Variants in FRAS1 observed in about 807,000 individuals in gnomAD.
FRAS1 encodes the protein Fraser extracellular matrix complex subunit 1.
FRAS1 carries 290 observed loss-of-function variants against 435.2 expected under a neutral mutation model. That is an observed-to-expected ratio of 0.67 (90% confidence interval 0.61 to 0.73). The LOEUF is 0.73. Among genes scored for constraint, FRAS1 ranks in the 30% least tolerant of loss-of-function variants. The pLI is 0.00. For synonymous variants in FRAS1, 1,800 were observed against 1,851.0 expected, an observed-to-expected ratio of 0.97 and a Z score of 0.71; for missense variants, 4,860 against 5,001.5, an observed-to-expected ratio of 0.97 and a Z score of 0.85.
chr4:78,112,466 A>G (rs1322166685), intron 2 of FRAS1, among the ~76,000 whole-genome samples: 1 of 151,950 alleles, frequency 6.6e-6, no homozygotes, highest in Non-Finnish European at 1.5e-5. Flanking sequence ...TTTTTCTGAT[A>G]ACTTTTTTTG....
At chr4:78,525,146 G>A (rs1176854862) in intron 69 of FRAS1, among the ~76,000 whole-genome samples, 1 of 152,186 alleles carries the variant, frequency 6.6e-6, no homozygotes, top group Non-Finnish European at 1.5e-5. Context: ...AAACCAGTGT[G>A]CAGCCTCTGG....
At chr4:78,182,845 A>AAGATCC (rs1722081118) in intron 2 of FRAS1, among the ~76,000 whole-genome samples, 1 of 147,158 alleles carries the variant, frequency 6.8e-6, no homozygotes, top group Non-Finnish European at 1.5e-5. Flanking sequence ...GTGCCACTGC[A>AAGATCC]CTCCAGCCTG....
chr4:78,111,725 A>G (rs1742713758), intron 2 of FRAS1, among the ~76,000 whole-genome samples: 1 of 130,154 alleles, frequency 7.7e-6, no homozygotes, highest in Non-Finnish European at 1.6e-5. Flanking sequence ...CACAATGTGC[A>G]CATGTACCCT....
intron 2 of FRAS1, among the ~76,000 whole-genome samples, chr4:78,175,738 A>G (rs893102046): frequency 2.0e-5 from 3 of 152,156 alleles, no homozygotes; most frequent in Non-Finnish European, 4.4e-5. Flanking sequence ...TGGCCAGATC[A>G]TGATGCACAG....
chr4:78,413,961 A>G (rs779759031), intron 32 of FRAS1, among the ~76,000 whole-genome samples: 1 of 152,172 alleles, frequency 6.6e-6, no homozygotes, highest in Non-Finnish European at 1.5e-5. Flanking sequence ...GACCTTGTAA[A>G]TTAATCATCA....
chr4:78,397,531 G>A (rs1271092475), intron 29 of FRAS1, among the ~76,000 whole-genome samples: 1 of 152,074 alleles, frequency 6.6e-6, no homozygotes, highest in Non-Finnish European at 1.5e-5. Context: ...TATGGGAGGG[G>A]GTGCATGGAG....
intron 37 of FRAS1, 28 bp from the exon 38 acceptor site, chr4:78,432,329 C>A: frequency 1.3e-6 from 2 of 1,563,588 alleles, no homozygotes; most frequent in South Asian, 2.4e-5. Context: ...AGAAGCAACT[C>A]GTTTGCAATT....
intron 2 of FRAS1, among the ~76,000 whole-genome samples, chr4:78,150,962 C>T (rs1193112458): frequency 2.0e-5 from 3 of 152,158 alleles, no homozygotes; most frequent in African/African-American, 4.8e-5. Context: ...ATGCCAGAGG[C>T]CAAGGCCAAC....
At chr4:78,389,327 A>C (rs1732353617) in intron 29 of FRAS1, among the ~76,000 whole-genome samples, 1 of 152,234 alleles carries the variant, frequency 6.6e-6, no homozygotes, top group African/African-American at 2.4e-5. Flanking sequence ...TGGTTTGTTG[A>C]GGACAGTTTA....
chr4:78,287,551 G>A (rs1053117261), intron 14 of FRAS1, among the ~76,000 whole-genome samples: 9 of 152,118 alleles, frequency 5.9e-5, no homozygotes, highest in African/African-American at 1.4e-4. Flanking sequence ...TAAACATAAC[G>A]GGGGGTCAGT....
intron 2 of FRAS1, among the ~76,000 whole-genome samples, chr4:78,133,169 G>A (rs1021563952): frequency 3.9e-5 from 6 of 152,198 alleles, no homozygotes; most frequent in African/African-American, 1.2e-4. Flanking sequence ...ATACAAAGTG[G>A]AGTACTAACT....
At chr4:78,104,802 A>G (rs1198415872) in intron 2 of FRAS1, among the ~76,000 whole-genome samples, 2 of 152,176 alleles carry the variant, frequency 1.3e-5, no homozygotes, top group African/African-American at 4.8e-5. Context: ...GATACTTAAG[A>G]GCCCTATTCT....
At chr4:78,190,947 C>A (rs1722505840) in intron 2 of FRAS1, among the ~76,000 whole-genome samples, 1 of 152,078 alleles carries the variant, frequency 6.6e-6, no homozygotes, top group Admixed American at 6.5e-5. Context: ...AGAGTGGGAT[C>A]TTGATCCCAT....
At position 78,379,836 on chromosome 4, in the gene FRAS1, G is replaced by A. The variant is rs1731940074; in HGVS notation, c.3403G>A (p.Val1135Ile). The A allele has an allele frequency of 1.2e-6, 2 of 1,613,888 alleles. No individual in the cohort carries two copies. Among genetic ancestry groups the A allele is most frequent in the African/African-American group, 1.3e-5 (1 of 75,022 alleles). Reference sequence around the variant, plus strand: ...GAATGTCCAAGACCAGGAGGGTAGGGTCGAAGATCTCCTATTTCATGTTGT... The same window carrying A: ...GAATGTCCAAGACCAGGAGGGTAGGATCGAAGATCTCCTATTTCATGTTGT... Reference protein sequence around the residue: ...LLNVQDQEGRVEDLLFHVVST... With the variant: ...LLNVQDQEGRIEDLLFHVVST... The change falls in exon 27 of 74, where the codon GTC becomes ATC. Residue 1135 changes from valine (V) to isoleucine (I), a missense_variant. Physicochemically the swap from Val to Ile is conservative, Grantham distance 29 (BLOSUM62 3). Coordinates refer to ENST00000512123, the MANE Select transcript of FRAS1 (RefSeq NM_025074.7).
intron 61 of FRAS1, among the ~76,000 whole-genome samples, chr4:78,504,043 T>C (rs191338767): frequency 2.0e-5 from 3 of 152,214 alleles, no homozygotes; most frequent in African/African-American, 7.2e-5. Context: ...GTTTAGTTAA[T>C]CCCGAGTGTT....
chr4:78,472,383 C>T (rs1719737204), intron 52 of FRAS1, 53 bp downstream of exon 52: 2 of 1,460,140 alleles, frequency 1.4e-6, no homozygotes, highest in South Asian at 1.5e-5. Flanking sequence ...TAATGTCACA[C>T]TGCCTATCTC....
intron 23 of FRAS1, among the ~76,000 whole-genome samples, chr4:78,372,215 C>T (rs189650259): frequency 6.6e-6 from 1 of 152,334 alleles, no homozygotes; most frequent in East Asian, 1.9e-4. Context: ...TTCTTTCTGT[C>T]ACTTTGGTCA....
intron 2 of FRAS1, among the ~76,000 whole-genome samples, chr4:78,179,272 A>G (rs1279954997): frequency 6.6e-6 from 1 of 152,214 alleles, no homozygotes; most frequent in Non-Finnish European, 1.5e-5. Context: ...TGGATCATTT[A>G]CATTTTTCTC....
chr4:78,121,719 G>A (rs1411375409), intron 2 of FRAS1, among the ~76,000 whole-genome samples: 3 of 152,160 alleles, frequency 2.0e-5, no homozygotes, highest in Admixed American at 6.5e-5. Context: ...GACCGTGTGT[G>A]TTTTACAGTA....
Sources: allele counts gnomAD v4.1 joint callset (sites outside exome capture counted in the v4.1 genomes callset), GRCh38; gene constraint gnomAD v4.1.1; transcripts MANE v1.5; gene names NCBI Gene and HGNC (gene_info 2026-07-23, HGNC 2026-07-21).